Variants in SOD2 observed in about 807,000 individuals in gnomAD.
SOD2 encodes the protein superoxide dismutase 2, also known as superoxide dismutase [Mn], mitochondrial.
In SOD2, 11 loss-of-function variants were observed where a neutral mutation model predicts 27.0. That is an observed-to-expected ratio of 0.41 (90% CI 0.26 to 0.67). The LOEUF (loss-of-function observed/expected upper bound fraction) is 0.67. Ranked by LOEUF, SOD2 falls within the 30% of genes least tolerant of loss-of-function variation. SOD2 has a pLI of 0.34. For missense variants in SOD2, 250 were observed against 274.5 expected (o/e 0.91, Z 0.63); for synonymous variants, 105 against 103.0 (o/e 1.02, Z -0.12).
chr6:159,748,386 C>T (rs776717396), upstream of SOD2: 2 of 1,612,756 alleles, frequency 1.2e-6, no homozygotes, highest in South Asian at 1.1e-5. The surrounding 1 kb of genome is among the most constrained non-coding windows in gnomAD (Gnocchi z 5.6). Flanking sequence ...AAATCATACT[C>T]CCCAGTCAAG....
At position 159,674,775 on chromosome 6, in the gene SOD2, G is replaced by C. The variant is rs1779739506; in HGVS notation, c.*7718C>G. ...CATCAGGCAGGAGAAAGAAATAAAG[G>C]GTATTCAATAAGGAAAAGAGGAAGT... On this transcript the variant is annotated 3_prime_UTR_variant, in exon 5 of 5. Transcript: ENST00000538183. 6.6e-6 allele frequency: 1 copy of C among 152,146 alleles called. No individual in the cohort carries two copies. Among genetic ancestry groups the C allele is most frequent in the African/African-American group, 2.4e-5 (1 of 41,424 alleles). 9.4% of individuals were successfully genotyped at this position (152,146 alleles called of 1,614,324 possible).
upstream of SOD2, among the ~76,000 whole-genome samples, chr6:159,729,756 A>G (rs1778452165): frequency 6.6e-6 from 1 of 152,208 alleles, no homozygotes; most frequent in African/African-American, 2.4e-5. Flanking sequence ...GTACCTTGCT[A>G]CTACAGTGTC....
upstream of SOD2, among the ~76,000 whole-genome samples, chr6:159,732,091 T>C (rs753728031): frequency 3.4e-4 from 52 of 152,192 alleles, no homozygotes; most frequent in African/African-American, 1.3e-3. Context: ...GTCTGCCCTT[T>C]GCATACTCAG....
intron 1 of SOD2, chr6:159,741,705 A>C (rs973641780): frequency 5.8e-6 from 1 of 172,430 alleles, no homozygotes; most frequent in Non-Finnish European, 1.2e-5. Flanking sequence ...AACTAGATTT[A>C]GGCTGGGTGT....
At chr6:159,727,366 G>C (rs1187122657), upstream of SOD2, 1 of 1,223,684 alleles carries the variant, frequency 8.2e-7, no homozygotes, top group South Asian at 1.3e-5. Context: ...ATGGCGGAGC[G>C]GGGAGGCTGG....
rs960335967 is a variant in SOD2 at position 159,671,787 on chromosome 6, C to T, written c.*10706G>A. 1 of 152,158 alleles carries T rather than the reference C, an allele frequency of 6.6e-6. No homozygotes were observed. The highest frequency in any genetic ancestry group is 1.9e-4 in the East Asian group (1 of 5,188). 9.4% of individuals were successfully genotyped at this position (152,158 alleles called of 1,614,324 possible). Reference sequence around the variant, plus strand: ...GAGAAGAAGGCTTCAGATGATCAAACTTCTCCAAGCTAAAAGAGGAAGTTC... The same window carrying T: ...GAGAAGAAGGCTTCAGATGATCAAATTTCTCCAAGCTAAAAGAGGAAGTTC... On this transcript the variant is annotated 3_prime_UTR_variant, in exon 5 of 5. Coordinates refer to ENST00000538183, the MANE Select transcript of SOD2 (RefSeq NM_000636.4).
At chr6:159,712,005 C>A (rs538585208) in intron 1 of SOD2, among the ~76,000 whole-genome samples, 11 of 81,374 alleles carry the variant, frequency 1.4e-4, no homozygotes, top group African/African-American at 4.3e-4. Context: ...ACCTCCATAA[C>A]CACCTCCATA....
At chr6:159,713,261 T>C in intron 1 of SOD2, 2 of 712,346 alleles carry the variant, frequency 2.8e-6, no homozygotes, top group Non-Finnish European at 2.5e-6. Flanking sequence ...ACAGCCACGA[T>C]AGTCATCATA....
At chr6:159,720,968 G>A (rs192020612) in intron 1 of SOD2, among the ~76,000 whole-genome samples, 158 of 141,268 alleles carry the variant, frequency 1.1e-3, no homozygotes, top group Middle Eastern at 8.3e-3. Context: ...TGATTCTCCT[G>A]CCTCAGCCTC....
chr6:159,688,295 A>G, intron 2 of SOD2, 53 bp from the exon 3 acceptor site: 1 of 1,002,298 alleles, frequency 1.0e-6, no homozygotes. Flanking sequence ...TTTTTCAACC[A>G]CTGTATACAT....
chr6:159,762,104 A>C (rs1307924724), exon 1 of SOD2: 4 of 1,613,210 alleles, frequency 2.5e-6, no homozygotes, highest in Non-Finnish European at 3.4e-6. Context: ...GCAGGCTCAG[A>C]TCCTGTGGTC....
At chr6:159,686,020 C>T (rs1170906359) in intron 3 of SOD2, among the ~76,000 whole-genome samples, 3 of 152,170 alleles carry the variant, frequency 2.0e-5, no homozygotes, top group Admixed American at 2.0e-4. Context: ...TTCTCCAAGG[C>T]AGCCCAGCTC....
In SOD2 at chr6:159,680,704, G is replaced by A. The variant is rs1779911169; in HGVS notation, c.*1789C>T. 1 of 152,204 alleles carries A rather than the reference G, an allele frequency of 6.6e-6. No homozygotes were observed. The highest frequency in any genetic ancestry group is 2.1e-4 in the South Asian group (1 of 4,824). The allele number at this position is 152,204 out of a possible 1,614,324, so 9.4% of individuals were successfully genotyped here. A position where few individuals can be genotyped will look rare whatever the true frequency, so the allele number is the denominator to read the frequency against. ...TAATCCCAGCACTTTGGGAGGCTGA[G>A]CCAGACGGATCACTTGAGGTCAGGA... On this transcript the variant is annotated 3_prime_UTR_variant, in exon 5 of 5. Coordinates refer to ENST00000538183, the MANE Select transcript of SOD2 (RefSeq NM_000636.4).
intron 1 of SOD2, among the ~76,000 whole-genome samples, chr6:159,705,050 C>G (rs1195019549): frequency 6.6e-6 from 1 of 152,224 alleles, no homozygotes; most frequent in African/African-American, 2.4e-5. Context: ...TCCAACAGAC[C>G]TGCAGCTGAG....
At chr6:159,733,404 C>T (rs543443611) in intron 1 of SOD2, among the ~76,000 whole-genome samples, 1 of 152,012 alleles carries the variant, frequency 6.6e-6, no homozygotes, top group Admixed American at 6.5e-5. Context: ...ATTGCTTGCG[C>T]CCAGGAGTTC....
rs1036200393 is a variant in SOD2 at position 159,671,929 on chromosome 6, G to A, written c.*10564C>T. 4 of 152,192 alleles carry A rather than the reference G, an allele frequency of 2.6e-5. No homozygotes were observed. The highest frequency in any genetic ancestry group is 5.9e-5 in the Non-Finnish European group (4 of 68,046). 9.4% of individuals were successfully genotyped at this position (152,192 alleles called of 1,614,324 possible). On this transcript the variant is annotated 3_prime_UTR_variant, in exon 5 of 5. Transcript: ENST00000538183. ...GATGGAGCTGAAAACCATGGCATGA[G>A]AACTACGTGACGAATGCACAAGCTT...
chr6:159,761,965 G>A (rs755431880), exon 1 of SOD2: 1 of 1,117,568 alleles, frequency 8.9e-7, no homozygotes, highest in Non-Finnish European at 1.3e-6. Flanking sequence ...GTGGTGCGCG[G>A]GGAGGTGGAG....
intron 1 of SOD2, chr6:159,725,997 G>T (rs1255907498): frequency 6.6e-6 from 1 of 152,166 alleles, no homozygotes; most frequent in Non-Finnish European, 1.5e-5. Context: ...GGATATTTGG[G>T]TTATCCCTAA....
chr6:159,686,645 T>C (rs919744008), intron 3 of SOD2, among the ~76,000 whole-genome samples: 1 of 151,916 alleles, frequency 6.6e-6, no homozygotes, highest in East Asian at 1.9e-4. Context: ...CTAAACTCCA[T>C]CTCCAAAATA....
Sources: gnomAD v4.1 joint callset for allele counts (sites outside exome capture counted in the v4.1 genomes callset) on GRCh38, gnomAD v4.1.1 for gene constraint, Gnocchi (gnomAD v3.1) non-coding constraint, MANE v1.5 for transcripts, NCBI Gene and HGNC (gene_info 2026-07-23, HGNC 2026-07-21) for gene names.